CHST9: variants seen among roughly 807,000 people sequenced by gnomAD.
The protein encoded by CHST9 is GalNAc-4-sulfotransferase 2.
Under a neutral mutation model 44.4 loss-of-function variants are expected in CHST9, and 41 were observed. The observed-to-expected ratio is 0.92, with a 90% CI of 0.72 to 1.20. CHST9 has a LOEUF of 1.20. Ranked by LOEUF, CHST9 falls within the 50% of genes most tolerant of loss-of-function variation. The probability of loss-of-function intolerance (pLI) is 0.00; values close to 1 mark genes in which losing one functional copy is unlikely to be tolerated. For synonymous variants in CHST9, 171 were observed against 178.4 expected (o/e 0.96, Z 0.33); for missense variants, 504 against 516.5 (o/e 0.98, Z 0.23).
At chr18:27,076,765 C>G (rs528474938) in intron 2 of CHST9, among the ~76,000 whole-genome samples, 1 of 152,270 alleles carries the variant, frequency 6.6e-6, no homozygotes, top group South Asian at 2.1e-4. Context: ...CCTCATCCAC[C>G]ATCAGGCCAA....
intron 2 of CHST9, among the ~76,000 whole-genome samples, chr18:27,078,184 T>C (rs566145017): frequency 4.6e-5 from 7 of 152,200 alleles, no homozygotes; most frequent in Non-Finnish European, 1.0e-4. Context: ...CATTATTTTA[T>C]CCATTATTGT....
chr18:26,936,960 A>G (rs1247587069), intron 5 of CHST9, among the ~76,000 whole-genome samples: 1 of 152,204 alleles, frequency 6.6e-6, no homozygotes, highest in Non-Finnish European at 1.5e-5. Flanking sequence ...TACATACACA[A>G]TGACACTGTT....
chr18:27,073,696 A>AC (rs746149860), intron 2 of CHST9, among the ~76,000 whole-genome samples: 48 of 150,772 alleles, frequency 3.2e-4, no homozygotes, highest in Non-Finnish European at 5.8e-4. Context: ...TTCAGTAGCC[A>AC]CTCCTGCTGC....
chr18:27,078,562 T>C (rs1244060690), intron 2 of CHST9, among the ~76,000 whole-genome samples: 4 of 152,186 alleles, frequency 2.6e-5, no homozygotes, highest in Admixed American at 2.0e-4. Flanking sequence ...GATACTATTT[T>C]ATTACACAAG....
At chr18:26,989,331 C>G (rs1197271264) in intron 4 of CHST9, among the ~76,000 whole-genome samples, 1 of 152,136 alleles carries the variant, frequency 6.6e-6, no homozygotes, top group African/African-American at 2.4e-5. Flanking sequence ...TGAAAAGATG[C>G]TCAACATCAT....
chr18:27,120,889 T>G (rs1415895413), intron 2 of CHST9, among the ~76,000 whole-genome samples: 2 of 152,360 alleles, frequency 1.3e-5, no homozygotes, highest in Admixed American at 6.5e-5. Flanking sequence ...GAGTCATCTC[T>G]GGTTCTGATT....
intron 5 of CHST9, among the ~76,000 whole-genome samples, chr18:26,939,793 G>GC (rs1477024248): frequency 2.0e-5 from 3 of 152,170 alleles, no homozygotes; most frequent in Non-Finnish European, 4.4e-5. Context: ...GCCTGCATCT[G>GC]CCCCCATCAA....
At chr18:27,080,063 A>T (rs2057945366) in intron 2 of CHST9, among the ~76,000 whole-genome samples, 1 of 152,142 alleles carries the variant, frequency 6.6e-6, no homozygotes, top group Non-Finnish European at 1.5e-5. Context: ...TATTCAGCCT[A>T]CCACAAATGT....
chr18:27,165,642 A>G (rs1598773210), intron 1 of CHST9, among the ~76,000 whole-genome samples: 2 of 152,194 alleles, frequency 1.3e-5, no homozygotes, highest in East Asian at 1.9e-4. Context: ...TCTGTCTCCA[A>G]ATTACATTGC....
chr18:27,168,857 G>A (rs2058812009), intron 1 of CHST9, among the ~76,000 whole-genome samples: 1 of 152,180 alleles, frequency 6.6e-6, no homozygotes, highest in Admixed American at 6.5e-5. Context: ...TCAATGTAAA[G>A]GGAGATTACC....
At chr18:27,063,297 A>G (rs1292692650) in intron 2 of CHST9, among the ~76,000 whole-genome samples, 2 of 152,166 alleles carry the variant, frequency 1.3e-5, no homozygotes, top group Non-Finnish European at 2.9e-5. Flanking sequence ...ATACTGGTCT[A>G]ATTTATGTAC....
chr18:27,154,574 C>T (rs1567941161), intron 1 of CHST9, among the ~76,000 whole-genome samples: 1 of 152,230 alleles, frequency 6.6e-6, no homozygotes, highest in East Asian at 1.9e-4. Flanking sequence ...TTCAAGTCAA[C>T]AGATTAGCCA....
chr18:27,032,500 G>C (rs1036459), intron 3 of CHST9, among the ~76,000 whole-genome samples: 59,444 of 152,042 alleles, frequency 0.39, 12,082 homozygotes, highest in East Asian at 0.5. Flanking sequence ...TACAGCCTCC[G>C]TCCTTCCCTC....
At chr18:27,055,298 C>G (rs983731208) in intron 2 of CHST9, among the ~76,000 whole-genome samples, 1 of 151,976 alleles carries the variant, frequency 6.6e-6, no homozygotes, top group East Asian at 1.9e-4. Flanking sequence ...TTTTTAATAT[C>G]GTTTTTGTTT....
chr18:27,025,337 TTGTC>T (rs2057274088), intron 3 of CHST9, among the ~76,000 whole-genome samples: 1 of 151,908 alleles, frequency 6.6e-6, no homozygotes, highest in Non-Finnish European at 1.5e-5. Flanking sequence ...GTAGGATTAA[TTGTC>T]TGTCCTGCTA....
At chr18:27,002,742 A>G (rs1011761296) in intron 4 of CHST9, among the ~76,000 whole-genome samples, 2 of 152,200 alleles carry the variant, frequency 1.3e-5, no homozygotes, top group African/African-American at 4.8e-5. Context: ...TAAGATGAGG[A>G]GCATCTGTGG....
At chr18:26,966,185 A>G (rs1327296732) in intron 4 of CHST9, among the ~76,000 whole-genome samples, 1 of 152,222 alleles carries the variant, frequency 6.6e-6, no homozygotes, top group Non-Finnish European at 1.5e-5. Flanking sequence ...ACAACTTTTA[A>G]TGATTTTTCT....
intron 4 of CHST9, among the ~76,000 whole-genome samples, chr18:26,996,102 T>C (rs2056885138): frequency 6.6e-6 from 1 of 152,184 alleles, no homozygotes; most frequent in Non-Finnish European, 1.5e-5. Flanking sequence ...TCATGATTTG[T>C]TTCTCATGGT....
In CHST9 at chr18:26,949,264, T is replaced by C. The variant is rs74507352; in HGVS notation, c.203-4898A>G. On this transcript the variant is annotated intron_variant, in intron 4 of 5. Coordinates refer to ENST00000618847, the MANE Select transcript of CHST9 (RefSeq NM_031422.6). Reference sequence around the variant, plus strand: ...TTCTGAAGTAGGTTCTGGAGATTGATTGAATGTGGGAAATACAGGAGCAAG... The same window carrying C: ...TTCTGAAGTAGGTTCTGGAGATTGACTGAATGTGGGAAATACAGGAGCAAG... 6.9e-4 allele frequency among the ~76,000 whole-genome samples: 105 copies of C among 152,216 alleles called. No individual in the cohort carries two copies. In the East Asian group the frequency reaches 0.019, roughly 27 times the overall value.
Sources: gnomAD v4.1 joint callset for allele counts (sites outside exome capture counted in the v4.1 genomes callset) on GRCh38, gnomAD v4.1.1 for gene constraint, MANE v1.5 for transcripts, NCBI Gene and HGNC (gene_info 2026-07-23, HGNC 2026-07-21) for gene names.